The following IPO11 variants were observed in gnomAD, a reference collection of about 807,000 sequenced individuals.
The protein encoded by IPO11 is importin 11.
IPO11 carries 66 observed loss-of-function variants against 143.2 expected under a neutral mutation model. That is an observed-to-expected ratio of 0.46 (90% CI 0.38 to 0.57). The LOEUF is 0.57. IPO11 is among the 20% of genes least tolerant of loss of function. The pLI is 0.00. For synonymous variants in IPO11, 385 were observed against 377.8 expected, an observed-to-expected ratio of 1.02 and a Z score of -0.22; for missense variants, 1,026 against 1,141.0, an observed-to-expected ratio of 0.90 and a Z score of 1.45.
chr5:62,445,549 C>T (rs1744691029), intron 3 of IPO11, among the ~76,000 whole-genome samples: 1 of 151,950 alleles, frequency 6.6e-6, no homozygotes, highest in Non-Finnish European at 1.5e-5. Flanking sequence ...TCAGTAGAAA[C>T]TGTACTTCAA....
In IPO11 at chr5:62,600,950, T is replaced by G. The variant is rs1485039066; in HGVS notation, c.2679-814T>G. Among the ~76,000 whole-genome samples the G allele has an allele frequency of 1.8e-4, 28 of 152,238 alleles. 1 individual carries two copies. The highest frequency in any genetic ancestry group is 1.8e-3 in the Admixed American group (28 of 15,284). The stretch of plus-strand genomic sequence containing the variant: ...CTGGTATCCGCACCTGTGTTAGTTC[T>G]GTATTAAAAGCTGTTTACACAGCTG... On this transcript the variant is annotated intron_variant, in intron 28 of 29. Coordinates refer to ENST00000325324, the MANE Select transcript of IPO11 (RefSeq NM_016338.5).
In IPO11 at chr5:62,443,416, TGTGTGC is replaced by T. The variant is rs1467203553; in HGVS notation, c.239+339_239+344del. The T allele has an allele frequency of 2.5e-4, 35 of 137,844 alleles. No individual in the cohort carries two copies. In the East Asian group the frequency reaches 2.6e-3, roughly 10 times the overall value. The allele number at this position is 137,844 out of a possible 1,614,324, so 8.5% of individuals were successfully genotyped here. On this transcript the variant is annotated intron_variant, in intron 3 of 29. Coordinates refer to ENST00000325324, the MANE Select transcript of IPO11 (RefSeq NM_016338.5). ...GTGTGTGTGTGTGTGTGTGTGTGTG[TGTGTGC>T]GTGTGTGCGTGTGCGTGTGATGTTG...
At position 62,498,962 on chromosome 5, in the gene IPO11, A is replaced by G. The variant is rs114896782; in HGVS notation, c.1590+4838A>G. ...ATTACTAGAAATTCAGCATTAGTAT[A>G]ATCTTTCACTTTTGTGAAAGCCTAT... is the stretch of plus-strand genomic sequence containing the variant. On this transcript the variant is annotated intron_variant, in intron 16 of 29. Transcript: ENST00000325324. 4.4e-3 allele frequency among the ~76,000 whole-genome samples: 674 copies of G among 152,346 alleles called. 7 individuals carry two copies. The highest frequency in any genetic ancestry group is 0.016 in the African/African-American group (649 of 41,578).
intron 7 of IPO11, among the ~76,000 whole-genome samples, chr5:62,470,832 T>TTTTTTTTTTTTTTTG: frequency 8.4e-6 from 1 of 119,078 alleles, no homozygotes; most frequent in Non-Finnish European, 1.7e-5. Flanking sequence ...TTTTTTTTTT[T>TTTTTTTTTTTTTTTG]TTTTTTTTTT....
At chr5:62,625,109 G>T (rs1348936965) in intron 29 of IPO11, among the ~76,000 whole-genome samples, 1 of 151,978 alleles carries the variant, frequency 6.6e-6, no homozygotes, top group African/African-American at 2.4e-5. Context: ...AATGACATAT[G>T]CCACATAACA....
chr5:62,477,780 G>T (rs898450089), intron 9 of IPO11, among the ~76,000 whole-genome samples: 1 of 152,184 alleles, frequency 6.6e-6, no homozygotes, highest in Non-Finnish European at 1.5e-5. Flanking sequence ...TTATTTAGCT[G>T]TGAGATTTTT....
At chr5:62,439,284 GTT>G (rs1226593063) in intron 2 of IPO11, among the ~76,000 whole-genome samples, 657 of 90,792 alleles carry the variant, frequency 7.2e-3, no homozygotes, top group African/African-American at 0.025. Context: ...AACTGCGTAG[GTT>G]TTTTTTTTTT....
intron 1 of IPO11, 83 bp from the exon 2 acceptor site, chr5:62,437,191 A>C (rs1744274905): frequency 8.8e-7 from 1 of 1,132,044 alleles, no homozygotes; most frequent in African/African-American, 1.6e-5. Context: ...CAGAACATGA[A>C]AGCTTTTTGT....
chr5:62,575,094 G>A (rs1744264705), intron 27 of IPO11, among the ~76,000 whole-genome samples: 1 of 152,164 alleles, frequency 6.6e-6, no homozygotes, highest in Admixed American at 6.5e-5. Context: ...TTATTTTAAA[G>A]CATACATTAA....
chr5:62,525,087 A>G lies in IPO11; in HGVS notation c.1897-1055A>G, dbSNP rs578087161. Among the ~76,000 whole-genome samples the G allele has an allele frequency of 3.6e-4, 55 of 152,308 alleles. 1 individual carries two copies. Among genetic ancestry groups the G allele is most frequent in the Admixed American group, 3.4e-3 (52 of 15,294 alleles). ...TCCATCTTTGTGTTCTTGATTCATT[A>G]AAAATGTTATCAAAAATTCTTAAAT... is the stretch of plus-strand genomic sequence containing the variant. On this transcript the variant is annotated intron_variant, in intron 20 of 29. Transcript: ENST00000325324.
chr5:62,489,410 T>G lies in IPO11; in HGVS notation c.1357+61T>G, dbSNP rs1032878757. 13 of 1,232,734 alleles carry G rather than the reference T, an allele frequency of 1.1e-5. No homozygotes were observed. In the African/African-American group the frequency reaches 2.0e-4, roughly 19 times the overall value. The allele number at this position is 1,232,734 out of a possible 1,614,324, so 76.4% of individuals were successfully genotyped here. On this transcript the variant is annotated intron_variant, in intron 14 of 29. Coordinates refer to ENST00000325324, the MANE Select transcript of IPO11 (RefSeq NM_016338.5). ...TATTCAGTAGATGGAGAGTCTGTTT[T>G]GTGGTAGATTTTGTGCTGAGGGTGT...
chr5:62,458,194 A>G (rs1477840678), intron 5 of IPO11, among the ~76,000 whole-genome samples: 3 of 152,066 alleles, frequency 2.0e-5, no homozygotes, highest in African/African-American at 7.2e-5. Context: ...CAAGTCATCA[A>G]ATAGGTTTAA....
At chr5:62,574,127 T>C (rs1744234746) in intron 27 of IPO11, among the ~76,000 whole-genome samples, 1 of 152,244 alleles carries the variant, frequency 6.6e-6, no homozygotes, top group Non-Finnish European at 1.5e-5. Flanking sequence ...TTTAACTCCA[T>C]ATGCTAGTTT....
chr5:62,503,373 T>TAATATATTAATAGTATC (rs1741418575), intron 16 of IPO11, among the ~76,000 whole-genome samples: 1 of 143,300 alleles, frequency 7.0e-6, no homozygotes, highest in Admixed American at 7.1e-5. Flanking sequence ...TAGTATCTAC[T>TAATATATTAATAGTATC]AATATATTAA....
At chr5:62,554,580 G>A (rs1443381514) in intron 26 of IPO11, among the ~76,000 whole-genome samples, 1 of 152,018 alleles carries the variant, frequency 6.6e-6, no homozygotes, top group Non-Finnish European at 1.5e-5. Flanking sequence ...TAAATCAGTT[G>A]GCTGTAAATG....
chr5:62,535,002 C>T (rs970187720), intron 22 of IPO11, among the ~76,000 whole-genome samples: 4 of 137,858 alleles, frequency 2.9e-5, no homozygotes, highest in Non-Finnish European at 4.7e-5. Flanking sequence ...AATTTTAAGG[C>T]TATGTATAAT....
At chr5:62,569,118 C>A (rs145786230) in intron 27 of IPO11, among the ~76,000 whole-genome samples, 1 of 151,760 alleles carries the variant, frequency 6.6e-6, no homozygotes. Flanking sequence ...GGACCCAGTA[C>A]TGTGATTTAT....
At chr5:62,583,716 T>G (rs900713254) in intron 27 of IPO11, among the ~76,000 whole-genome samples, 2 of 152,212 alleles carry the variant, frequency 1.3e-5, no homozygotes, top group Non-Finnish European at 2.9e-5. Flanking sequence ...GTTAAAAAAC[T>G]TATTTAAGGT....
At chr5:62,499,392 C>T (rs1741265990) in intron 16 of IPO11, among the ~76,000 whole-genome samples, 1 of 152,134 alleles carries the variant, frequency 6.6e-6, no homozygotes, top group South Asian at 2.1e-4. Context: ...TTGAATAGCG[C>T]TTGCAGGCTT....
Sources: gnomAD v4.1 joint callset for allele counts (sites outside exome capture counted in the v4.1 genomes callset) on GRCh38, gnomAD v4.1.1 for gene constraint, MANE v1.5 for transcripts, NCBI Gene and HGNC (gene_info 2026-07-23, HGNC 2026-07-21) for gene names.